The following RGS3 variants were observed in gnomAD, a reference collection of about 807,000 sequenced individuals.
RGS3 encodes regulator of G protein signaling 3.
In RGS3, 80 loss-of-function variants were observed where a neutral mutation model predicts 132.6. That is an observed-to-expected ratio of 0.60 (90% CI 0.50 to 0.73). RGS3 has a LOEUF of 0.73. RGS3 is among the 30% of genes least tolerant of loss of function. The probability of loss-of-function intolerance (pLI) is 0.00; values close to 1 mark genes in which losing one functional copy is unlikely to be tolerated. For missense variants in RGS3, 1,382 were observed against 1,530.8 expected, an observed-to-expected ratio of 0.90 and a Z score of 1.62; for synonymous variants, 598 against 620.6, an observed-to-expected ratio of 0.96 and a Z score of 0.54.
intron 23 of RGS3, chr9:113,595,326 C>T (rs1046889888): frequency 1.8e-5 from 10 of 550,784 alleles, no homozygotes; most frequent in Middle Eastern, 4.8e-4. Flanking sequence ...AGGGTCCCAT[C>T]GGCTCCTCCC....
intron 15 of RGS3, among the ~76,000 whole-genome samples, chr9:113,515,280 T>C (rs1025747183): frequency 2.0e-5 from 3 of 152,112 alleles, no homozygotes; most frequent in Admixed American, 2.0e-4. Context: ...AACCCTGCAC[T>C]CCAGCCTCTT....
chr9:113,483,716 A>G (rs1457486082), intron 5 of RGS3, among the ~76,000 whole-genome samples: 1 of 152,190 alleles, frequency 6.6e-6, no homozygotes, highest in East Asian at 1.9e-4. Context: ...CAGGGCTAGA[A>G]CAGCCCTGGG....
chr9:113,482,546 G>A (rs1170717205), intron 4 of RGS3, among the ~76,000 whole-genome samples: 6 of 152,280 alleles, frequency 3.9e-5, no homozygotes, highest in African/African-American at 7.2e-5. Context: ...TGAGTGCCAC[G>A]GCATGGCTCA....
At chr9:113,502,085 T>C (rs1588166852) in intron 10 of RGS3, among the ~76,000 whole-genome samples, 1 of 152,318 alleles carries the variant, frequency 6.6e-6, no homozygotes, top group Middle Eastern at 3.4e-3. Context: ...TGTATAACTT[T>C]CCTCTCCCCT....
In RGS3 at chr9:113,591,278, T is replaced by G. The variant is rs1835407483; in HGVS notation, c.3016-55T>G. The G allele has an allele frequency of 2.6e-6, 4 of 1,512,040 alleles. No individual in the cohort carries two copies. The highest frequency in any genetic ancestry group is 2.8e-6 in the Non-Finnish European group (3 of 1,089,896). The allele number at this position is 1,512,040 out of a possible 1,614,324, so 93.7% of individuals were successfully genotyped here. ...GTTGGGTCTCTGAGCCTCTGTTTAC[T>G]TAGGCAGGAGTTCCTGGGTGCCCAG... On this transcript the variant is annotated intron_variant, in intron 20 of 24. Coordinates refer to ENST00000350696, the Ensembl canonical transcript of RGS3. The surrounding 1 kb of genome is among the most constrained non-coding windows in gnomAD (Gnocchi z 4.4).
At chr9:113,536,862 C>T (rs771611457) in exon 19 of RGS3, 3 of 1,614,172 alleles carry the variant, frequency 1.9e-6, no homozygotes, top group South Asian at 2.2e-5. Context: ...GTGCTGGTGC[C>T]TGTCGGAGAA....
intron 19 of RGS3, among the ~76,000 whole-genome samples, chr9:113,571,945 C>A (rs1166168224): frequency 6.6e-6 from 1 of 152,144 alleles, no homozygotes; most frequent in Non-Finnish European, 1.5e-5. Context: ...AAAATCCATC[C>A]TGTCTCACTA....
chr9:113,450,270 A>G (rs1829210600), intron 1 of RGS3, among the ~76,000 whole-genome samples: 1 of 150,060 alleles, frequency 6.7e-6, no homozygotes. Context: ...ACGGGGTTTC[A>G]CCGTATTAGC....
chr9:113,580,746 G>C (rs1329803868), intron 19 of RGS3: 1 of 963,398 alleles, frequency 1.0e-6, no homozygotes, highest in Non-Finnish European at 1.2e-6. Context: ...TGTTTGGTTT[G>C]GCCTCGATTT....
chr9:113,504,950 G>T (rs116855294), intron 10 of RGS3: 2,380 of 158,926 alleles, frequency 0.015, 26 homozygotes, highest in Middle Eastern at 0.036. Flanking sequence ...GTGTGTCCCA[G>T]TGTTTCCTCC....
chr9:113,487,773 A>T (rs748269237), intron 7 of RGS3, among the ~76,000 whole-genome samples: 1 of 152,152 alleles, frequency 6.6e-6, no homozygotes, highest in Non-Finnish European at 1.5e-5. Context: ...AAGTCAGATG[A>T]TTCTGTAGAT....
At chr9:113,539,818 G>A (rs1164778142) in intron 19 of RGS3, among the ~76,000 whole-genome samples, 1 of 152,234 alleles carries the variant, frequency 6.6e-6, no homozygotes, top group Non-Finnish European at 1.5e-5. Context: ...AATTTACCTT[G>A]AAGATGAAAT....
rs898542494 is a variant in RGS3, at chr9:113,506,874, G to T, written c.1085+381G>T. Among the ~76,000 whole-genome samples the T allele has an allele frequency of 6.6e-6, 1 of 152,136 alleles. No individual in the cohort carries two copies. The highest frequency in any genetic ancestry group is 1.5e-5 in the Non-Finnish European group (1 of 68,026). On this transcript the variant is annotated intron_variant, in intron 12 of 24. Transcript: ENST00000350696. The surrounding 1 kb of genome is among the most constrained non-coding windows in gnomAD (Gnocchi z 4.7). ...TAAAAAAATATTCTTGAAAACATTGGAGTCTCCCAAATTTTGATCCTCTAG... is the reference window on the plus strand; with the variant it reads ...TAAAAAAATATTCTTGAAAACATTGTAGTCTCCCAAATTTTGATCCTCTAG...
At chr9:113,475,545 A>G (rs1220614094) in intron 3 of RGS3, among the ~76,000 whole-genome samples, 2 of 152,162 alleles carry the variant, frequency 1.3e-5, no homozygotes, top group Admixed American at 1.3e-4. Flanking sequence ...AGCTGAGACT[A>G]CAGGCACGCA....
chr9:113,595,305 A>C (rs897956198), intron 23 of RGS3, among the ~76,000 whole-genome samples: 2 of 152,214 alleles, frequency 1.3e-5, no homozygotes, highest in Non-Finnish European at 2.9e-5. Context: ...TGTGCCTGCC[A>C]TCTCATGGGC....
intron 7 of RGS3, among the ~76,000 whole-genome samples, chr9:113,493,719 AG>A (rs1270783556): frequency 6.6e-6 from 1 of 152,036 alleles, no homozygotes; most frequent in Non-Finnish European, 1.5e-5. Flanking sequence ...TACCCTGGAG[AG>A]CTTTCTCCAG....
chr9:113,553,459 A>AAATATATATATAT (rs1426114805), intron 19 of RGS3, among the ~76,000 whole-genome samples: 3 of 58,706 alleles, frequency 5.1e-5, no homozygotes, highest in Admixed American at 2.7e-4. Context: ...AAAAAAAAAA[A>AAATATATATATAT]ATATATATAT....
intron 21 of RGS3, chr9:113,592,347 G>A (rs1835480759): frequency 6.6e-6 from 1 of 152,284 alleles, no homozygotes; most frequent in Admixed American, 6.5e-5. Flanking sequence ...AGGATCCAGG[G>A]GGTGCCAGGA....
At chr9:113,485,049 ATG>A (rs1029773735) in intron 6 of RGS3, among the ~76,000 whole-genome samples, 4 of 149,528 alleles carry the variant, frequency 2.7e-5, no homozygotes, top group Non-Finnish European at 4.4e-5. Context: ...GTATGTTTGC[ATG>A]TGTGTGTGTA....
Sources: allele counts gnomAD v4.1 joint callset (sites outside exome capture counted in the v4.1 genomes callset), GRCh38; gene constraint gnomAD v4.1.1; non-coding constraint Gnocchi (gnomAD v3.1); transcripts MANE v1.5; gene names NCBI Gene and HGNC (gene_info 2026-07-23, HGNC 2026-07-21).